MYLK: variants seen among roughly 807,000 people sequenced by gnomAD.
MYLK encodes myosin light chain kinase, smooth muscle.
Under a neutral mutation model 203.4 loss-of-function variants are expected in MYLK, and 106 were observed. That is an observed-to-expected ratio of 0.52 (90% CI 0.45 to 0.61). The LOEUF is 0.61. Ranked by LOEUF, MYLK falls within the 20% of genes least tolerant of loss-of-function variation. The probability of loss-of-function intolerance (pLI) is 0.00; values close to 1 mark genes in which losing one functional copy is unlikely to be tolerated. For missense variants in MYLK, 2,072 were observed against 2,442.3 expected, an observed-to-expected ratio of 0.85 and a Z score of 3.20; for synonymous variants, 867 against 959.5, an observed-to-expected ratio of 0.90 and a Z score of 1.78.
intron 13 of MYLK, among the ~76,000 whole-genome samples, chr3:123,714,154 G>A (rs1418017423): frequency 6.6e-6 from 1 of 152,120 alleles, no homozygotes; most frequent in Non-Finnish European, 1.5e-5. Context: ...TCAACATCTC[G>A]GAAGTATTGG....
chr3:123,738,055 C>A (rs181184990), intron 7 of MYLK, among the ~76,000 whole-genome samples: 2 of 151,922 alleles, frequency 1.3e-5, no homozygotes, highest in African/African-American at 2.4e-5. Context: ...CACCTCTCCC[C>A]CTTAAGCTTC....
intron 4 of MYLK, among the ~76,000 whole-genome samples, chr3:123,769,490 C>T (rs955321741): frequency 4.6e-5 from 7 of 152,232 alleles, no homozygotes; most frequent in African/African-American, 1.7e-4. Context: ...CCACACTCAG[C>T]ATGGCCACTT....
chr3:123,833,168 C>G (rs1434153811), intron 2 of MYLK, among the ~76,000 whole-genome samples: 1 of 152,082 alleles, frequency 6.6e-6, no homozygotes, highest in East Asian at 1.9e-4. Context: ...CTTGTCTGCA[C>G]CCAGTTGCTC....
intron 22 of MYLK, among the ~76,000 whole-genome samples, chr3:123,664,997 T>C (rs2059689632): frequency 6.6e-6 from 1 of 152,226 alleles, no homozygotes; most frequent in Non-Finnish European, 1.5e-5. Context: ...CTAATGGGTC[T>C]GGGGTTTCTT....
intron 2 of MYLK, among the ~76,000 whole-genome samples, chr3:123,862,524 G>A (rs2032008947): frequency 6.6e-6 from 1 of 152,114 alleles, no homozygotes. Context: ...CTGAAGCCAG[G>A]TCTGTCTAAC....
At chr3:123,881,621 A>G (rs935020975) in intron 1 of MYLK, among the ~76,000 whole-genome samples, 2 of 152,236 alleles carry the variant, frequency 1.3e-5, no homozygotes, top group Admixed American at 1.3e-4. Flanking sequence ...CATGTCCCCA[A>G]GCAAGGCTGC....
chr3:123,661,020 A>G (rs2059545156), intron 23 of MYLK, among the ~76,000 whole-genome samples: 2 of 152,242 alleles, frequency 1.3e-5, no homozygotes, highest in African/African-American at 2.4e-5. Context: ...GGAGGCAGAC[A>G]GAAAGCCTCG....
At chr3:123,735,366 G>A in intron 9 of MYLK, 32 bp downstream of exon 9, 1 of 1,613,700 alleles carries the variant, frequency 6.2e-7, no homozygotes. Context: ...TTTCAAGAGG[G>A]AAAACGTAAA....
In MYLK at chr3:123,774,841, G is replaced by A. The variant is rs572252584; in HGVS notation, c.165+18836C>T. ...GCACATTTTATTGTATTAATATACC[G>A]ACCATAGAGCATAGGGTCTTGTTCA... is the stretch of plus-strand genomic sequence containing the variant. On this transcript the variant is annotated intron_variant, in intron 4 of 33. Transcript: ENST00000360304. Among the ~76,000 whole-genome samples, 12 of 152,118 alleles carry A rather than the reference G, an allele frequency of 7.9e-5. No homozygotes were observed. In the East Asian group the frequency reaches 2.1e-3, roughly 27 times the overall value.
At chr3:123,835,619 A>G (rs2066457606) in intron 2 of MYLK, among the ~76,000 whole-genome samples, 1 of 152,164 alleles carries the variant, frequency 6.6e-6, no homozygotes, top group South Asian at 2.1e-4. Context: ...CTCAGAAAAC[A>G]ATACCCCAAA....
chr3:123,670,440 A>G (rs2059879042), intron 20 of MYLK, among the ~76,000 whole-genome samples: 1 of 152,112 alleles, frequency 6.6e-6, no homozygotes, highest in African/African-American at 2.4e-5. Context: ...CAGTGGTATG[A>G]GGATAGTGGG....
At chr3:123,781,868 T>G (rs2064313192) in intron 4 of MYLK, among the ~76,000 whole-genome samples, 2 of 152,144 alleles carry the variant, frequency 1.3e-5, no homozygotes, top group Non-Finnish European at 2.9e-5. Context: ...ATCTAAACAC[T>G]CAAAATCTTT....
At position 123,707,973 on chromosome 3, in the gene MYLK, A is replaced by G. The variant is rs2061527311; in HGVS notation, c.2171T>C (p.Ile724Thr). ...GGCTGTCACTGAGCGAGGCTTACTG[A>G]TGAACCAGGGCTGGGTGCCATCGTG... ...EPHDGTQPWF[I>T]SKPRSVTASL... Residue 724 changes from isoleucine to threonine, a missense_variant, in exon 16 of 34, where the codon ATC (isoleucine) becomes ACC (threonine). Physicochemically the swap from Ile to Thr is moderately conservative, Grantham distance 89 (BLOSUM62 -1). This residue lies in a region of MYLK where 865 missense variants were observed against 1,016.0 expected (regional missense o/e 0.85). Transcript: ENST00000360304. 1.2e-6 allele frequency: 2 copies of G among 1,614,048 alleles called. No individual in the cohort carries two copies. The highest frequency in any genetic ancestry group is 1.7e-5 in the Admixed American group (1 of 60,008).
intron 19 of MYLK, chr3:123,692,520 G>A: frequency 1.2e-6 from 1 of 813,010 alleles, no homozygotes; most frequent in East Asian, 3.0e-5. Context: ...GGGGAGGGGT[G>A]AAGCCATGTA....
At chr3:123,760,542 G>A (rs1250341787) in intron 4 of MYLK, among the ~76,000 whole-genome samples, 1 of 152,146 alleles carries the variant, frequency 6.6e-6, no homozygotes, top group Non-Finnish European at 1.5e-5. Flanking sequence ...CTAAAGGTTA[G>A]ACTTTTCCTC....
At chr3:123,766,600 G>A (rs959485759) in intron 4 of MYLK, among the ~76,000 whole-genome samples, 1 of 152,180 alleles carries the variant, frequency 6.6e-6, no homozygotes, top group Non-Finnish European at 1.5e-5. Context: ...CACTAGAAGC[G>A]AGATAGCTCC....
Position 123,626,818 on chromosome 3 carries a change from C to T in MYLK, c.5238G>A (p.Gln1746=). 1 of 1,614,188 alleles carries T rather than the reference C, an allele frequency of 6.2e-7. No homozygotes were observed. Among genetic ancestry groups the T allele is most frequent in the South Asian group, 1.1e-5 (1 of 91,078 alleles). Residue 1746 remains glutamine, a splice_region_variant and synonymous_variant, in exon 31 of 34, where the codon CAG becomes CAA. Transcript: ENST00000360304. ...MKKYMARRKW[Q]KTGNAVRAIG... Reference sequence around the variant, plus strand: ...CAGTCCAAAGTGACCCTCTCATTACCTGCCATTTCCTTCTTGCCATGTACT... The same window carrying T: ...CAGTCCAAAGTGACCCTCTCATTACTTGCCATTTCCTTCTTGCCATGTACT...
At chr3:123,726,645 T>C (rs1319100004) in intron 11 of MYLK, among the ~76,000 whole-genome samples, 4 of 152,128 alleles carry the variant, frequency 2.6e-5, no homozygotes, top group African/African-American at 9.7e-5. Context: ...TGAACCCCAT[T>C]CTAGGTCAAG....
intron 13 of MYLK, among the ~76,000 whole-genome samples, chr3:123,715,537 C>T (rs908333783): frequency 6.6e-6 from 1 of 152,216 alleles, no homozygotes; most frequent in Non-Finnish European, 1.5e-5. Context: ...CCCAACATGG[C>T]GTTTTGGAAA....
Sources: gnomAD v4.1 joint callset for allele counts (sites outside exome capture counted in the v4.1 genomes callset) on GRCh38, gnomAD v4.1.1 for gene constraint, gnomAD v4.1.1 regional missense constraint, MANE v1.5 for transcripts, NCBI Gene and HGNC (gene_info 2026-07-23, HGNC 2026-07-21) for gene names.